The following MTBP variants were observed in gnomAD, a reference collection of about 807,000 sequenced individuals.
The protein encoded by MTBP is mdm2-binding protein.
Under a neutral mutation model 117.0 loss-of-function variants are expected in MTBP, and 101 were observed. That is an observed-to-expected ratio of 0.86 (90% confidence interval 0.73 to 1.02). The LOEUF is 1.02. Ranked by LOEUF, MTBP falls within the 50% of genes least tolerant of loss-of-function variation. MTBP has a pLI of 0.00. For synonymous variants in MTBP, 350 were observed against 351.5 expected (o/e 1.00, Z 0.05); for missense variants, 970 against 1,030.9 (o/e 0.94, Z 0.81).
At chr8:120,448,904 G>A (rs1813280430) in intron 2 of MTBP, among the ~76,000 whole-genome samples, 2 of 152,172 alleles carry the variant, frequency 1.3e-5, no homozygotes, top group Admixed American at 1.3e-4. Flanking sequence ...TGGGATAAGG[G>A]TGGAGAGGTA....
chr8:120,471,008 G>T, intron 11 of MTBP, 71 bp downstream of exon 11: 1 of 1,032,206 alleles, frequency 9.7e-7, no homozygotes. Flanking sequence ...TTGAAGTGAA[G>T]ATAACATTTC....
intron 2 of MTBP, among the ~76,000 whole-genome samples, chr8:120,449,684 G>GT (rs1419841980): frequency 6.6e-6 from 1 of 152,156 alleles, no homozygotes; most frequent in African/African-American, 2.4e-5. Context: ...CTGAACACCA[G>GT]TTTTTAAAAA....
chr8:120,515,942 G>A lies in MTBP; in HGVS notation c.1997G>A (p.Arg666Gln), dbSNP rs780222505. Reference protein sequence around the residue: ...YHGIEYCLDDRKALERDGGFS... With the variant: ...YHGIEYCLDDQKALERDGGFS... ...CATTTTAGATATTGCTTGGATGACC[G>A]AAAAGCTTTGGAAAGAGATGGAGGA... Residue 666 changes from arginine to glutamine, a missense_variant, in exon 18 of 22, where the codon CGA becomes CAA. By Grantham distance (43) the Arg-to-Gln change is conservative (BLOSUM62 1). Transcript: ENST00000305949. 1.7e-5 allele frequency: 27 copies of A among 1,612,088 alleles called. No homozygotes were observed. The highest frequency in any genetic ancestry group is 6.7e-5 in the East Asian group (3 of 44,838).
chr8:120,451,132 T>A (rs144774677), intron 3 of MTBP, 39 bp from the exon 4 acceptor site: 2 of 1,576,668 alleles, frequency 1.3e-6, no homozygotes, highest in East Asian at 2.2e-5. Context: ...ATAAATAATT[T>A]CATGATCCAT....
In MTBP at chr8:120,502,595, T is replaced by G. The variant is rs778287272; in HGVS notation, c.1713T>G (p.Thr571=). The G allele has an allele frequency of 4.2e-5, 67 of 1,592,874 alleles. No homozygotes were observed. Among genetic ancestry groups the G allele is most frequent in the African/African-American group, 5.4e-5 (4 of 74,206 alleles). The part of the protein sequence containing the change: ...VLQNLETFEK[T]KQKMRTGSLP... ...AAAATTTGGAAACTTTTGAAAAAAC[T>G]AAACAAAAAATGAGGTAATATTTGA... The change falls in exon 15 of 22, where the codon ACT becomes ACG. Residue 571 remains threonine, a synonymous_variant. Transcript: ENST00000305949.
intron 11 of MTBP, among the ~76,000 whole-genome samples, chr8:120,476,617 C>A (rs1345690394): frequency 6.6e-6 from 1 of 152,018 alleles, no homozygotes; most frequent in Non-Finnish European, 1.5e-5. Context: ...CAATAATAGA[C>A]AAAGAGCCAA....
intron 14 of MTBP, among the ~76,000 whole-genome samples, chr8:120,500,050 A>T (rs752294479): frequency 2.0e-5 from 3 of 152,212 alleles, no homozygotes; most frequent in Non-Finnish European, 2.9e-5. Flanking sequence ...TAAGGTTATA[A>T]TGGCCTCAAT....
At chr8:120,500,349 C>T (rs1814557719) in intron 14 of MTBP, among the ~76,000 whole-genome samples, 1 of 152,034 alleles carries the variant, frequency 6.6e-6, no homozygotes. Flanking sequence ...GAATGTTTTC[C>T]CACCTATTTC....
chr8:120,495,192 T>C (rs1463379153), intron 13 of MTBP, among the ~76,000 whole-genome samples: 2 of 152,320 alleles, frequency 1.3e-5, no homozygotes, highest in Middle Eastern at 6.8e-3. Flanking sequence ...GAAAATTTAT[T>C]TACTTCACTA....
chr8:120,496,736 G>A (rs1325716283), intron 13 of MTBP, among the ~76,000 whole-genome samples: 1 of 151,154 alleles, frequency 6.6e-6, no homozygotes, highest in East Asian at 1.9e-4. Flanking sequence ...AAAAATGCAA[G>A]CAGTGTTGCC....
At chr8:120,500,401 T>G (rs1814558802) in intron 14 of MTBP, among the ~76,000 whole-genome samples, 2 of 152,218 alleles carry the variant, frequency 1.3e-5, no homozygotes, top group South Asian at 4.1e-4. Context: ...GGTTGTATAT[T>G]ATATTGTAAT....
chr8:120,453,357 G>A (rs1315121436), intron 4 of MTBP, among the ~76,000 whole-genome samples: 2 of 152,012 alleles, frequency 1.3e-5, no homozygotes, highest in Non-Finnish European at 2.9e-5. Flanking sequence ...TGAGGTGGGA[G>A]GACCTCCTGA....
chr8:120,508,476 G>A (rs896963515), intron 16 of MTBP, among the ~76,000 whole-genome samples: 6 of 152,060 alleles, frequency 3.9e-5, no homozygotes, highest in African/African-American at 1.4e-4. Flanking sequence ...AAATACTGGG[G>A]TCATTGTAAT....
intron 13 of MTBP, among the ~76,000 whole-genome samples, chr8:120,492,835 G>T (rs1314763272): frequency 6.6e-6 from 1 of 151,882 alleles, no homozygotes; most frequent in Non-Finnish European, 1.5e-5. Flanking sequence ...TAATTAGAAT[G>T]ATATTTAAAA....
At chr8:120,468,489 G>T (rs1813746635) in intron 10 of MTBP, among the ~76,000 whole-genome samples, 1 of 152,158 alleles carries the variant, frequency 6.6e-6, no homozygotes, top group African/African-American at 2.4e-5. Context: ...ATCCTGCCTT[G>T]CCTGTGGAAG....
intron 10 of MTBP, among the ~76,000 whole-genome samples, chr8:120,464,768 C>A (rs1813652724): frequency 6.6e-6 from 1 of 151,960 alleles, no homozygotes; most frequent in African/African-American, 2.4e-5. Context: ...CTTTCATCCT[C>A]TAAGAATAAC....
chr8:120,466,612 C>T (rs1813700087), intron 10 of MTBP, among the ~76,000 whole-genome samples: 1 of 151,808 alleles, frequency 6.6e-6, no homozygotes, highest in Non-Finnish European at 1.5e-5. Context: ...GTGGCTCACG[C>T]CTTTAATTCC....
intron 11 of MTBP, among the ~76,000 whole-genome samples, chr8:120,477,707 C>G (rs1297374891): frequency 6.6e-6 from 1 of 152,168 alleles, no homozygotes; most frequent in Non-Finnish European, 1.5e-5. Flanking sequence ...AATGAGATAC[C>G]ATCCCATGCC....
intron 12 of MTBP, among the ~76,000 whole-genome samples, chr8:120,488,634 A>C (rs917686673): frequency 6.6e-5 from 10 of 151,952 alleles, no homozygotes; most frequent in African/African-American, 2.4e-4. Flanking sequence ...TATATTTCCC[A>C]TTTTCATTTA....
Sources: allele counts gnomAD v4.1 joint callset (sites outside exome capture counted in the v4.1 genomes callset), GRCh38; gene constraint gnomAD v4.1.1; transcripts MANE v1.5; gene names NCBI Gene and HGNC (gene_info 2026-07-23, HGNC 2026-07-21).